FBLN7: variants seen among roughly 807,000 people sequenced by gnomAD.
FBLN7 encodes the protein fibulin 7.
Under a neutral mutation model 44.0 loss-of-function variants are expected in FBLN7, and 31 were observed. The observed-to-expected ratio is 0.70, with a 90% CI of 0.53 to 0.95. The LOEUF (loss-of-function observed/expected upper bound fraction) is 0.95. Ranked by LOEUF, FBLN7 falls within the 40% of genes least tolerant of loss-of-function variation. FBLN7 has a pLI of 0.00. For missense variants in FBLN7, 573 were observed against 618.5 expected (o/e 0.93, Z 0.78); for synonymous variants, 262 against 253.4 (o/e 1.03, Z -0.32).
chr2:112,198,139 T>C, the FBLN7 span, among the ~76,000 whole-genome samples: 1 of 152,240 alleles, frequency 6.6e-6, no homozygotes, highest in South Asian at 2.1e-4. Context: ...GCCTGCTGTC[T>C]CCCTCCTCTG....
chr2:112,206,689 T>G, the FBLN7 span, among the ~76,000 whole-genome samples: 2 of 151,396 alleles, frequency 1.3e-5, no homozygotes, highest in African/African-American at 4.9e-5. Flanking sequence ...AGATTACAGG[T>G]GTGAGCCACT....
intron 1 of FBLN7, among the ~76,000 whole-genome samples, chr2:112,140,319 C>T (rs1680574961): frequency 6.6e-6 from 1 of 151,946 alleles, no homozygotes; most frequent in African/African-American, 2.4e-5. Flanking sequence ...GTCCCTCCTG[C>T]CTCTCTCCAG....
the FBLN7 span, among the ~76,000 whole-genome samples, chr2:112,243,189 C>T: frequency 6.6e-6 from 1 of 152,150 alleles, no homozygotes; most frequent in Non-Finnish European, 1.5e-5. Context: ...TAATTTGCAG[C>T]AGATATATTT....
chr2:112,153,265 T>C (rs573236983), intron 1 of FBLN7: 1 of 152,348 alleles, frequency 6.6e-6, no homozygotes, highest in Non-Finnish European at 1.5e-5. Context: ...TTTGGTAAGT[T>C]GCTCGGTCCT....
At chr2:112,158,232 A>G (rs35898589) in intron 1 of FBLN7, among the ~76,000 whole-genome samples, 4,272 of 151,332 alleles carry the variant, frequency 0.028, 91 homozygotes, top group Non-Finnish European at 0.046. Context: ...GATTGGAAAT[A>G]TTTAGTTTGG....
chr2:112,237,002 A>G, the FBLN7 span, among the ~76,000 whole-genome samples: 1 of 152,360 alleles, frequency 6.6e-6, no homozygotes, highest in South Asian at 2.1e-4. Flanking sequence ...TCAAGGTTAC[A>G]GTGAGCTATG....
the FBLN7 span, among the ~76,000 whole-genome samples, chr2:112,229,331 T>A: frequency 7.2e-5 from 11 of 152,354 alleles, no homozygotes; most frequent in East Asian, 1.9e-3. Flanking sequence ...TATTATTTTT[T>A]CTTTTCTCCC....
At chr2:112,155,286 G>C (rs900898480) in intron 1 of FBLN7, among the ~76,000 whole-genome samples, 1 of 152,152 alleles carries the variant, frequency 6.6e-6, no homozygotes, top group African/African-American at 2.4e-5. Context: ...CTTTGCAAAG[G>C]AGCTCGGTGA....
At chr2:112,156,271 G>A (rs780183147) in intron 1 of FBLN7, among the ~76,000 whole-genome samples, 1 of 152,162 alleles carries the variant, frequency 6.6e-6, no homozygotes, top group African/African-American at 2.4e-5. Context: ...TGGGGTGGCC[G>A]GCGGGGCTGG....
chr2:112,182,817 C>T lies in FBLN7; in HGVS notation c.697C>T (p.Gln233Ter). 5.0e-6 allele frequency: 8 copies of T among 1,610,006 alleles called. No individual in the cohort carries two copies. Among genetic ancestry groups the T allele is most frequent in the Non-Finnish European group, 6.8e-6 (8 of 1,178,596 alleles). Reference sequence around the variant, plus strand: ...CGTGAACGAGTGTGAGCTCTACGGGCAGGAGGGGCGCCCCCGGCTCTGCAT... The same window carrying T: ...CGTGAACGAGTGTGAGCTCTACGGGTAGGAGGGGCGCCCCCGGCTCTGCAT... ...QDVNECELYGQEGRPRLCMHA... is the reference protein window; with the variant it reads ...QDVNECELYG Residue 233 changes from glutamine (Q) to a stop codon, truncating the protein, a stop_gained, in exon 6 of 8, where the codon CAG (glutamine) becomes TAG (stop). Coordinates refer to ENST00000331203, the MANE Select transcript of FBLN7 (RefSeq NM_153214.3). LOFTEE classifies it high-confidence loss of function.
At chr2:112,207,819 G>A in the FBLN7 span, among the ~76,000 whole-genome samples, 1 of 152,080 alleles carries the variant, frequency 6.6e-6, no homozygotes, top group African/African-American at 2.4e-5. Flanking sequence ...TATTAATATA[G>A]CCTCTCCATC....
At chr2:112,186,049 T>C (rs1683252464) in intron 7 of FBLN7, among the ~76,000 whole-genome samples, 1 of 152,068 alleles carries the variant, frequency 6.6e-6, no homozygotes, top group African/African-American at 2.4e-5. Context: ...TTAAAGCAGA[T>C]TAGAAGCAGC....
At chr2:112,242,125 G>A in the FBLN7 span, among the ~76,000 whole-genome samples, 2 of 152,168 alleles carry the variant, frequency 1.3e-5, no homozygotes, top group African/African-American at 4.8e-5. Flanking sequence ...TTAAATGAAT[G>A]GACAACAAAG....
rs747212861 is a variant in FBLN7 at position 112,160,844 on chromosome 2, ACG to A, written c.235+1013_235+1014del. On this transcript the variant is annotated intron_variant, in intron 2 of 7. Transcript: ENST00000331203. ...CACAAGCACGCATACACGCACGCAC[ACG>A]CGCACACACACACACACACACTCAG... 7.0e-3 allele frequency among the ~76,000 whole-genome samples: 796 copies of A among 112,952 alleles called. 14 individuals are homozygous for A. The highest frequency in any genetic ancestry group is 0.027 in the African/African-American group (738 of 27,512). The allele number at this position is 112,952 out of a possible 152,430, so 74.1% of individuals were successfully genotyped here.
intron 5 of FBLN7, among the ~76,000 whole-genome samples, chr2:112,182,453 A>G (rs1683048062): frequency 6.6e-6 from 1 of 152,248 alleles, no homozygotes; most frequent in Admixed American, 6.5e-5. Context: ...CTGTTAACCC[A>G]TCCCTACTTT....
intron 2 of FBLN7, among the ~76,000 whole-genome samples, chr2:112,160,835 C>T (rs922352296): frequency 8.2e-6 from 1 of 121,350 alleles, no homozygotes; most frequent in South Asian, 2.6e-4. Context: ...CACGCATACA[C>T]GCACGCACAC....
At chr2:112,199,306 C>T in the FBLN7 span, among the ~76,000 whole-genome samples, 1 of 152,184 alleles carries the variant, frequency 6.6e-6, no homozygotes, top group African/African-American at 2.4e-5. Context: ...CCATTTCTCT[C>T]ATTTCTCTCA....
chr2:112,173,513 TAAAAGAA>T (rs1186106927), intron 3 of FBLN7, among the ~76,000 whole-genome samples: 2 of 147,564 alleles, frequency 1.4e-5, no homozygotes, highest in African/African-American at 5.0e-5. Flanking sequence ...GAATTAGAAA[TAAAAGAA>T]AAAAGTCAGG....
At chr2:112,206,293 CA>C in the FBLN7 span, among the ~76,000 whole-genome samples, 2 of 152,124 alleles carry the variant, frequency 1.3e-5, no homozygotes, top group Non-Finnish European at 2.9e-5. Context: ...AAAAGTTTAT[CA>C]GTTTTACTGA....
Sources: gnomAD v4.1 joint callset for allele counts (sites outside exome capture counted in the v4.1 genomes callset) on GRCh38, gnomAD v4.1.1 for gene constraint, MANE v1.5 for transcripts, NCBI Gene and HGNC (gene_info 2026-07-23, HGNC 2026-07-21) for gene names.